SLC6A16: variants seen among roughly 807,000 people sequenced by gnomAD.
SLC6A16 encodes the protein solute carrier family 6 member 16.
Under a neutral mutation model 65.4 loss-of-function variants are expected in SLC6A16, and 54 were observed. That is an observed-to-expected ratio of 0.83 (90% CI 0.66 to 1.04). The LOEUF (loss-of-function observed/expected upper bound fraction) is 1.04. SLC6A16 is among the 50% of genes least tolerant of loss of function. The probability of loss-of-function intolerance (pLI) is 0.00; values close to 1 mark genes in which losing one functional copy is unlikely to be tolerated. For missense variants in SLC6A16, 816 were observed against 914.0 expected (o/e 0.89, Z 1.38); for synonymous variants, 330 against 346.5 (o/e 0.95, Z 0.53).
chr19:49,339,894 G>T, the SLC6A16 span: 2 of 1,345,352 alleles, frequency 1.5e-6, no homozygotes, highest in Non-Finnish European at 1.9e-6. The surrounding 1 kb of genome is among the most constrained non-coding windows in gnomAD (Gnocchi z 4.5). Context: ...GGCCGCTGTG[G>T]GTTCAAGACG....
At position 49,289,893 on chromosome 19, in the gene SLC6A16, T is replaced by G; in HGVS notation, c.*230A>C. The stretch of plus-strand genomic sequence containing the variant: ...GTATTGTATATGTGTTGTGCATGTA[T>G]GTGTGTTGAGGAAGAGGATGGGGAA... On this transcript the variant is annotated 3_prime_UTR_variant, in exon 12 of 12. Coordinates refer to ENST00000335875, the MANE Select transcript of SLC6A16 (RefSeq NM_014037.3). The G allele has an allele frequency of 3.5e-6, 2 of 568,284 alleles. No individual in the cohort carries two copies. Among genetic ancestry groups the G allele is most frequent in the South Asian group, 2.2e-5 (1 of 46,020 alleles). 35.2% of individuals were successfully genotyped at this position (568,284 alleles called of 1,614,324 possible).
At chr19:49,313,725 G>T (rs1003878752) in intron 1 of SLC6A16, among the ~76,000 whole-genome samples, 4 of 151,958 alleles carry the variant, frequency 2.6e-5, no homozygotes, top group African/African-American at 9.7e-5. Context: ...GAATCGGGAG[G>T]CAGAGGTTAC....
At chr19:49,300,690 T>C (rs1394978548) in intron 7 of SLC6A16, among the ~76,000 whole-genome samples, 2 of 152,098 alleles carry the variant, frequency 1.3e-5, no homozygotes, top group Non-Finnish European at 2.9e-5. Flanking sequence ...CCTATCATGA[T>C]GGCAGAGAAA....
chr19:49,308,207 C>T (rs1272694706), intron 7 of SLC6A16, among the ~76,000 whole-genome samples: 1 of 152,058 alleles, frequency 6.6e-6, no homozygotes, highest in Non-Finnish European at 1.5e-5. Context: ...AATCGCAGCA[C>T]TTTGGGAGGC....
chr19:49,334,955 A>T, the SLC6A16 span, among the ~76,000 whole-genome samples: 5 of 151,998 alleles, frequency 3.3e-5, no homozygotes, highest in Non-Finnish European at 7.4e-5. Context: ...AGGCAGGAGG[A>T]CAGAGACCCA....
At chr19:49,334,041 C>G in the SLC6A16 span, among the ~76,000 whole-genome samples, 1 of 147,998 alleles carries the variant, frequency 6.8e-6, no homozygotes, top group Admixed American at 6.6e-5. Context: ...GCGCCCTCCC[C>G]ACTCCCAGGG....
In SLC6A16 at chr19:49,308,868, G is replaced by T. The variant is rs772628575; in HGVS notation, c.1229+8C>A. On this transcript the variant is annotated splice_region_variant and intron_variant, in intron 7 of 11. Transcript: ENST00000335875. The stretch of plus-strand genomic sequence containing the variant: ...AGCTGAGACCCTTAACAAAGGGGCC[G>T]GCCTTACCTCTCACAGCAGCGATGT... 6.2e-7 allele frequency: 1 copy of T among 1,613,806 alleles called. No homozygotes were observed. The highest frequency in any genetic ancestry group is 1.3e-5 in the African/African-American group (1 of 74,882).
the SLC6A16 span, chr19:49,339,699 A>T: frequency 7.1e-7 from 1 of 1,401,296 alleles, no homozygotes; most frequent in Non-Finnish European, 9.2e-7. This position sits in a 1 kb window ranked among gnomAD's most constrained non-coding sequence, Gnocchi z 4.5. Flanking sequence ...AGCGCAGGGC[A>T]CTCCGCCGGA....
intron 7 of SLC6A16, among the ~76,000 whole-genome samples, chr19:49,300,823 G>A (rs1309615590): frequency 1.3e-5 from 2 of 152,052 alleles, no homozygotes; most frequent in East Asian, 1.9e-4. Flanking sequence ...AGGTTGAGGC[G>A]GGAGGATCAC....
intron 10 of SLC6A16, among the ~76,000 whole-genome samples, 156 bp from the exon 11 acceptor site, chr19:49,290,923 G>A (rs1970066606): frequency 6.6e-6 from 1 of 152,118 alleles, no homozygotes; most frequent in South Asian, 2.1e-4. Flanking sequence ...CCCCTAGTCA[G>A]TCTGTCTTCT....
At chr19:49,299,183 T>G (rs375078628) in intron 7 of SLC6A16, among the ~76,000 whole-genome samples, 1 of 149,312 alleles carries the variant, frequency 6.7e-6, no homozygotes, top group Non-Finnish European at 1.5e-5. Flanking sequence ...GAGGCAGAGG[T>G]TACAGTGAGC....
chr19:49,293,585 G>A (rs1970122752), intron 9 of SLC6A16, among the ~76,000 whole-genome samples: 2 of 152,114 alleles, frequency 1.3e-5, no homozygotes, highest in African/African-American at 4.8e-5. Flanking sequence ...GCAACATGGT[G>A]AAAGCCCGTC....
intron 7 of SLC6A16, among the ~76,000 whole-genome samples, chr19:49,308,066 AG>A (rs1207990187): frequency 6.6e-6 from 1 of 151,444 alleles, no homozygotes; most frequent in African/African-American, 2.4e-5. Context: ...AATAAGAAAC[AG>A]GGGTGATCAG....
upstream of SLC6A16, among the ~76,000 whole-genome samples, chr19:49,326,729 C>A (rs1388133731): frequency 2.0e-5 from 3 of 151,938 alleles, no homozygotes; most frequent in Non-Finnish European, 4.4e-5. Flanking sequence ...GTATTAAGTG[C>A]TATGACAGGC....
chr19:49,339,072 C>A, the SLC6A16 span: 1 of 764,196 alleles, frequency 1.3e-6, no homozygotes, highest in East Asian at 2.6e-5. The surrounding 1 kb of genome is among the most constrained non-coding windows in gnomAD (Gnocchi z 4.5). Context: ...GGGCGGGGCC[C>A]TCTGAAGGGG....
chr19:49,290,611 T>C lies in SLC6A16; in HGVS notation c.1935A>G (p.Ser645=), dbSNP rs1322570327. 1.9e-6 allele frequency: 3 copies of C among 1,613,824 alleles called. No homozygotes were observed. The highest frequency in any genetic ancestry group is 1.7e-5 in the Admixed American group (1 of 59,896). The change falls in exon 11 of 12, where the codon TCA becomes TCG. Residue 645 remains serine (S), a synonymous_variant. Transcript: ENST00000335875. ...GGTCCTGGGGGAGGCTCACGGTGCT[T>C]GAGTCCCAGGACATGTAGGTGATCG... ...MKPITYMSWD[S]STSKEVLRPY... is the part of the protein sequence containing the mutation.
intron 1 of SLC6A16, among the ~76,000 whole-genome samples, chr19:49,322,634 C>CA (rs59799608): frequency 0.39 from 30,214 of 76,938 alleles, 4,376 homozygotes; most frequent in African/African-American, 0.49. Flanking sequence ...AACTCCATCT[C>CA]AAAAAAAAAA....
At chr19:49,324,741 C>T (rs1346146067) in intron 1 of SLC6A16, among the ~76,000 whole-genome samples, 1 of 152,236 alleles carries the variant, frequency 6.6e-6, no homozygotes, top group Non-Finnish European at 1.5e-5. Context: ...GCCACTCGGG[C>T]ACTTGACACT....
At position 49,290,082 on chromosome 19, in the gene SLC6A16, C is replaced by A. The variant is rs1339712441; in HGVS notation, c.*41G>T. On this transcript the variant is annotated 3_prime_UTR_variant, in exon 12 of 12. Transcript: ENST00000335875. ...TGATATTAAGAGTTGTCTATTGGAT[C>A]TGTTCTAAGGGATATGTTATGTGAA... 9 of 1,578,606 alleles carry A rather than the reference C, an allele frequency of 5.7e-6. No individual in the cohort carries two copies. Among genetic ancestry groups the A allele is most frequent in the East Asian group, 2.2e-5 (1 of 44,584 alleles).
Sources: gnomAD v4.1 joint callset for allele counts (sites outside exome capture counted in the v4.1 genomes callset) on GRCh38, gnomAD v4.1.1 for gene constraint, Gnocchi (gnomAD v3.1) non-coding constraint, MANE v1.5 for transcripts, NCBI Gene and HGNC (gene_info 2026-07-23, HGNC 2026-07-21) for gene names.